ROBO1: variants seen among roughly 807,000 people sequenced by gnomAD.
The protein encoded by ROBO1 is roundabout homolog 1.
ROBO1 carries 149 observed loss-of-function variants against 195.9 expected under a neutral mutation model. The observed-to-expected ratio is 0.76, with a 90% CI of 0.67 to 0.87. ROBO1 has a LOEUF of 0.87. Among genes scored for constraint, ROBO1 ranks in the 40% least tolerant of loss-of-function variants. The probability of loss-of-function intolerance (pLI) is 0.00; values close to 1 mark genes in which losing one functional copy is unlikely to be tolerated. For missense variants in ROBO1, 1,933 were observed against 2,068.3 expected, an observed-to-expected ratio of 0.93 and a Z score of 1.27; for synonymous variants, 816 against 733.2, an observed-to-expected ratio of 1.11 and a Z score of -1.82.
chr3:78,602,651 TA>T lies in ROBO1; in HGVS notation c.4745-2343del, dbSNP rs200849398. Among the ~76,000 whole-genome samples the T allele has an allele frequency of 2.8e-4, 43 of 152,326 alleles. No individual in the cohort carries two copies. The East Asian group carries it at 7.9e-3, about 28-fold the overall frequency. On this transcript the variant is annotated intron_variant, in intron 29 of 30. Transcript: ENST00000464233. ...GCTGATATACTTTCATCTTGACCTG[TA>T]ACACGTCATTAATACATTGTTTTAC...
At chr3:79,345,934 T>A (rs2035097377) in intron 2 of ROBO1, among the ~76,000 whole-genome samples, 1 of 152,230 alleles carries the variant, frequency 6.6e-6, no homozygotes, top group African/African-American at 2.4e-5. Flanking sequence ...AGATACTTGA[T>A]GAATTAATAC....
chr3:79,125,508 G>C lies in ROBO1; in HGVS notation c.120C>G (p.His40Gln), dbSNP rs565549416. ...DPEDVERGNDHGTPIPTSDND... is the reference protein window; with the variant it reads ...DPEDVERGNDQGTPIPTSDND... The stretch of plus-strand genomic sequence containing the variant: ...TATCAGAGGTGGGGATTGGCGTCCC[G>C]TGGTCGTTCCCCCTCTCTACATCTT... The change falls in exon 3 of 31, where the codon CAC becomes CAG. Residue 40 changes from histidine (H) to glutamine (Q), a missense_variant. Transcript: ENST00000464233. 1 of 1,613,646 alleles carries C rather than the reference G, an allele frequency of 6.2e-7. No homozygotes were observed. The highest frequency in any genetic ancestry group is 1.7e-5 in the Admixed American group (1 of 59,978).
At chr3:79,041,985 C>T (rs982179351) in intron 3 of ROBO1, among the ~76,000 whole-genome samples, 3 of 152,204 alleles carry the variant, frequency 2.0e-5, no homozygotes, top group Admixed American at 1.3e-4. Context: ...ATTCCTCTTT[C>T]CCTTGGCTCT....
chr3:78,918,655 T>C (rs1206855411), intron 4 of ROBO1, among the ~76,000 whole-genome samples: 2 of 152,118 alleles, frequency 1.3e-5, no homozygotes, highest in African/African-American at 4.8e-5. Context: ...CTCAATTAGA[T>C]TCTGGCTTTC....
At chr3:78,765,817 A>G (rs1359053136) in intron 4 of ROBO1, among the ~76,000 whole-genome samples, 1 of 152,212 alleles carries the variant, frequency 6.6e-6, no homozygotes, top group African/African-American at 2.4e-5. Context: ...ATAAATGCCA[A>G]TTAAAATGTG....
intron 2 of ROBO1, among the ~76,000 whole-genome samples, chr3:79,284,215 C>A (rs973537324): frequency 1.3e-5 from 2 of 151,336 alleles, no homozygotes; most frequent in African/African-American, 4.9e-5. Context: ...AACTGAGGGC[C>A]GGAGAATTGA....
intron 2 of ROBO1, among the ~76,000 whole-genome samples, chr3:79,227,372 C>T (rs1264346668): frequency 6.6e-6 from 1 of 152,148 alleles, no homozygotes; most frequent in Non-Finnish European, 1.5e-5. Context: ...CTTCTATCTC[C>T]TATATTTAGG....
intron 2 of ROBO1, among the ~76,000 whole-genome samples, chr3:79,350,378 C>A (rs1049421220): frequency 2.0e-5 from 3 of 152,164 alleles, no homozygotes; most frequent in Non-Finnish European, 4.4e-5. Context: ...ACTTTGAAAA[C>A]CACTGTCCGT....
At chr3:78,757,274 C>G (rs543460701) in intron 4 of ROBO1, among the ~76,000 whole-genome samples, 5 of 152,306 alleles carry the variant, frequency 3.3e-5, no homozygotes, top group Admixed American at 3.3e-4. Context: ...ATAGGTGATG[C>G]AAGGACTCAA....
At chr3:79,315,739 T>C (rs1044388878) in intron 2 of ROBO1, among the ~76,000 whole-genome samples, 2 of 152,176 alleles carry the variant, frequency 1.3e-5, no homozygotes, top group African/African-American at 4.8e-5. Flanking sequence ...TAGTTAGATA[T>C]AATAATCTGG....
chr3:79,240,363 G>C (rs775823593), intron 2 of ROBO1, among the ~76,000 whole-genome samples: 1 of 152,042 alleles, frequency 6.6e-6, no homozygotes, highest in Non-Finnish European at 1.5e-5. Context: ...TTTTGAAGAA[G>C]AAAATGGATA....
chr3:78,734,434 T>TA (rs2082348664), intron 5 of ROBO1, among the ~76,000 whole-genome samples: 1 of 150,142 alleles, frequency 6.7e-6, no homozygotes, highest in African/African-American at 2.5e-5. Flanking sequence ...TGGTTGCACA[T>TA]ACTGTAGTCC....
chr3:79,218,091 A>C lies in ROBO1; in HGVS notation c.89-92552T>G, dbSNP rs568036021. 7.9e-5 allele frequency among the ~76,000 whole-genome samples: 12 copies of C among 152,124 alleles called. No homozygotes were observed. The South Asian group carries it at 2.5e-3, about 32-fold the overall frequency. On this transcript the variant is annotated intron_variant, in intron 2 of 30. Coordinates refer to ENST00000464233, the MANE Select transcript of ROBO1 (RefSeq NM_002941.4). The stretch of plus-strand genomic sequence containing the variant: ...AACAGAAAAATGCTATGTAGATACT[A>C]AAATCTTATATAGACAATTTAAGTT...
At chr3:79,166,742 T>C (rs190908109) in intron 2 of ROBO1, among the ~76,000 whole-genome samples, 2 of 151,958 alleles carry the variant, frequency 1.3e-5, no homozygotes, top group African/African-American at 4.8e-5. Context: ...ATTTTTTTTG[T>C]ATTTTTAGTA....
Position 78,829,270 on chromosome 3 carries a change from C to T in ROBO1, c.500-82370G>A, listed in dbSNP as rs183595122. On this transcript the variant is annotated intron_variant, in intron 4 of 30. Coordinates refer to ENST00000464233, the MANE Select transcript of ROBO1 (RefSeq NM_002941.4). ...TTGATGAAGTGAAAAGGGCTTTTTC[C>T]CCTTTTATCTCGGAAGAATTACAGT... 2.1e-3 allele frequency among the ~76,000 whole-genome samples: 325 copies of T among 152,084 alleles called. 1 individual carries two copies. Among genetic ancestry groups the T allele is most frequent in the African/African-American group, 7.4e-3 (309 of 41,482 alleles).
chr3:79,531,587 G>GTCTTAATAT (rs1168358405), intron 2 of ROBO1, among the ~76,000 whole-genome samples: 1 of 152,082 alleles, frequency 6.6e-6, no homozygotes, highest in African/African-American at 2.4e-5. Flanking sequence ...ACTTTTTTCT[G>GTCTTAATAT]TCTTAATATT....
intron 2 of ROBO1, among the ~76,000 whole-genome samples, chr3:79,159,682 A>G (rs1268882481): frequency 6.6e-6 from 1 of 152,048 alleles, no homozygotes; most frequent in Non-Finnish European, 1.5e-5. Context: ...AAGTCCTTCA[A>G]GTGACCTGAA....
chr3:79,467,968 C>T (rs904259603), intron 2 of ROBO1, among the ~76,000 whole-genome samples: 1 of 152,164 alleles, frequency 6.6e-6, no homozygotes, highest in African/African-American at 2.4e-5. Context: ...AGGGAACTCT[C>T]CCATCTCACC....
intron 1 of ROBO1, among the ~76,000 whole-genome samples, chr3:79,643,991 T>A (rs1485319373): frequency 6.6e-6 from 1 of 152,084 alleles, no homozygotes; most frequent in African/African-American, 2.4e-5. Flanking sequence ...CGAAGACACT[T>A]ATAGACTGAA....
Sources: allele counts gnomAD v4.1 joint callset (sites outside exome capture counted in the v4.1 genomes callset), GRCh38; gene constraint gnomAD v4.1.1; transcripts MANE v1.5; gene names NCBI Gene and HGNC (gene_info 2026-07-23, HGNC 2026-07-21).